The following PITPNC1 variants were observed in gnomAD, a reference collection of about 807,000 sequenced individuals.
The protein encoded by PITPNC1 is phosphatidylinositol transfer protein cytoplasmic 1, also known as cytoplasmic phosphatidylinositol transfer protein 1.
In PITPNC1, 18 loss-of-function variants were observed where a neutral mutation model predicts 44.7. The ratio of observed to expected loss-of-function variants is 0.40; its 90% CI spans 0.28 to 0.60. The LOEUF (loss-of-function observed/expected upper bound fraction) is 0.60, where lower values mean the gene tolerates loss of function less well. PITPNC1 is among the 20% of genes least tolerant of loss of function. The pLI, the probability that PITPNC1 is intolerant of heterozygous loss-of-function variation, is 0.39. For missense variants in PITPNC1, 290 were observed against 418.4 expected, an observed-to-expected ratio of 0.69 and a Z score of 2.68; for synonymous variants, 141 against 149.6, an observed-to-expected ratio of 0.94 and a Z score of 0.42.
At position 67,609,743 on chromosome 17, in the gene PITPNC1, C is replaced by T. The variant is rs562171855; in HGVS notation, c.367-22400C>T. ...CGGCAAACTGTTGATGAAGCCCTCA[C>T]GGGGTCATTCACAGCAGAATTGGAT... On this transcript the variant is annotated intron_variant, in intron 5 of 8. Transcript: ENST00000581322. Among the ~76,000 whole-genome samples the T allele has an allele frequency of 3.3e-5, 5 of 150,388 alleles. No individual in the cohort carries two copies. The East Asian group carries it at 5.9e-4, about 18-fold the overall frequency.
intron 1 of PITPNC1, among the ~76,000 whole-genome samples, chr17:67,399,008 CTTT>C (rs34059580): frequency 1.1e-5 from 1 of 88,504 alleles, no homozygotes; most frequent in Non-Finnish European, 2.1e-5. Context: ...AGAGGATCAG[CTTT>C]TTTTTTTTTT....
chr17:67,658,175 T>C (rs941847580), intron 6 of PITPNC1, among the ~76,000 whole-genome samples: 4 of 152,212 alleles, frequency 2.6e-5, no homozygotes, highest in African/African-American at 9.6e-5. Flanking sequence ...CCTAGGCAGA[T>C]AGGGGTGGGA....
chr17:67,395,599 TTAAAA>T (rs2038207573), intron 1 of PITPNC1, among the ~76,000 whole-genome samples: 2 of 152,184 alleles, frequency 1.3e-5, no homozygotes, highest in Non-Finnish European at 2.9e-5. Context: ...TTTCCCTGAC[TTAAAA>T]TAATAACAGT....
At chr17:67,599,028 A>G (rs1377610290) in intron 5 of PITPNC1, among the ~76,000 whole-genome samples, 7 of 32,644 alleles carry the variant, frequency 2.1e-4, no homozygotes, top group African/African-American at 8.0e-4. Context: ...ATATATATAT[A>G]TATATATTTT....
chr17:67,525,598 T>A (rs2040382386), intron 1 of PITPNC1, among the ~76,000 whole-genome samples: 1 of 152,190 alleles, frequency 6.6e-6, no homozygotes, highest in South Asian at 2.1e-4. Flanking sequence ...TTCCTGTGTG[T>A]AATTAGAATT....
intron 1 of PITPNC1, among the ~76,000 whole-genome samples, chr17:67,476,463 G>T (rs539572607): frequency 6.6e-6 from 1 of 151,922 alleles, no homozygotes; most frequent in East Asian, 1.9e-4. Context: ...CTGGGATTAA[G>T]GTGTTACCCA....
At chr17:67,405,589 T>TTTTC (rs548047279) in intron 1 of PITPNC1, among the ~76,000 whole-genome samples, 31 of 151,870 alleles carry the variant, frequency 2.0e-4, no homozygotes, top group South Asian at 6.3e-4. Context: ...TTACTCAACA[T>TTTTC]TTTCTTTCTT....
At chr17:67,388,875 C>T (rs569361605) in intron 1 of PITPNC1, among the ~76,000 whole-genome samples, 1 of 152,212 alleles carries the variant, frequency 6.6e-6, no homozygotes. Context: ...CCGCCTCGGC[C>T]TCCCAAAGTG....
At chr17:67,385,473 ACCACCCCTCCCC>A (rs1225798864) in intron 1 of PITPNC1, among the ~76,000 whole-genome samples, 1 of 151,248 alleles carries the variant, frequency 6.6e-6, no homozygotes, top group Non-Finnish European at 1.5e-5. Context: ...ATAATGGCTG[ACCACCCCTCCCC>A]CCTCCCCTCC....
At chr17:67,398,938 G>A (rs2038262778) in intron 1 of PITPNC1, among the ~76,000 whole-genome samples, 1 of 151,688 alleles carries the variant, frequency 6.6e-6, no homozygotes, top group African/African-American at 2.4e-5. Context: ...TTGCTTCAAA[G>A]GCCGAGTAAC....
intron 1 of PITPNC1, among the ~76,000 whole-genome samples, chr17:67,406,453 A>G (rs1256455679): frequency 2.0e-5 from 3 of 152,186 alleles, no homozygotes; most frequent in Admixed American, 2.0e-4. Flanking sequence ...TTTCATGTAA[A>G]TGGAATCACA....
At chr17:67,688,692 T>C (rs995107640) in intron 8 of PITPNC1, among the ~76,000 whole-genome samples, 3 of 152,152 alleles carry the variant, frequency 2.0e-5, no homozygotes, top group Non-Finnish European at 2.9e-5. Flanking sequence ...TCTATCACTT[T>C]CAATTACCTT....
intron 1 of PITPNC1, among the ~76,000 whole-genome samples, chr17:67,418,048 A>G (rs1157948747): frequency 1.3e-5 from 2 of 152,162 alleles, no homozygotes; most frequent in South Asian, 2.1e-4. Context: ...TGGAAGAAAA[A>G]AAGTCAATGG....
rs940370285 is a variant in PITPNC1 at position 67,695,997 on chromosome 17, G to A, written c.*3109G>A. The A allele has an allele frequency of 3.9e-5, 6 of 152,176 alleles. No homozygotes were observed. The highest frequency in any genetic ancestry group is 1.9e-4 in the East Asian group (1 of 5,188). The allele number at this position is 152,176 out of a possible 1,614,324, so 9.4% of individuals were successfully genotyped here. A position where few individuals can be genotyped will look rare whatever the true frequency, so the allele number is the denominator to read the frequency against. ...GAAAAGGAACACAATGAAGGAGGCC[G>A]TGACATTTTTAGTTGCCACCGTTGT... On this transcript the variant is annotated 3_prime_UTR_variant, in exon 9 of 9. Coordinates refer to ENST00000581322, the MANE Select transcript of PITPNC1 (RefSeq NM_012417.4).
intron 6 of PITPNC1, among the ~76,000 whole-genome samples, chr17:67,657,176 T>C (rs1404365327): frequency 6.7e-6 from 1 of 149,826 alleles, no homozygotes; most frequent in African/African-American, 2.5e-5. Flanking sequence ...TTTTGTTTTG[T>C]TTTGTTTTGT....
intron 4 of PITPNC1, among the ~76,000 whole-genome samples, chr17:67,572,994 AG>A (rs1244190905): frequency 6.6e-6 from 1 of 152,236 alleles, no homozygotes; most frequent in East Asian, 1.9e-4. Context: ...GAGTCTTCAG[AG>A]GTAGTATGGC....
intron 6 of PITPNC1, chr17:67,632,462 GTCTCCCAAC>G: frequency 3.6e-6 from 2 of 551,534 alleles, no homozygotes; most frequent in Non-Finnish European, 3.2e-6. Flanking sequence ...TAGTTTTCCT[GTCTCCCAAC>G]TCTGCCATCA....
intron 1 of PITPNC1, among the ~76,000 whole-genome samples, chr17:67,521,235 A>G (rs959378064): frequency 6.6e-6 from 1 of 152,232 alleles, no homozygotes; most frequent in African/African-American, 2.4e-5. Flanking sequence ...AACTTAGGAC[A>G]GGTTAAGCAT....
intron 7 of PITPNC1, among the ~76,000 whole-genome samples, chr17:67,672,940 A>G (rs2042539648): frequency 6.6e-6 from 1 of 152,118 alleles, no homozygotes; most frequent in Admixed American, 6.6e-5. Flanking sequence ...GCGAGCCATG[A>G]GCACATTATT....
Sources: allele counts gnomAD v4.1 joint callset (sites outside exome capture counted in the v4.1 genomes callset), GRCh38; gene constraint gnomAD v4.1.1; transcripts MANE v1.5; gene names NCBI Gene and HGNC (gene_info 2026-07-23, HGNC 2026-07-21).